NELL1: variants seen among roughly 807,000 people sequenced by gnomAD.
NELL1 encodes protein kinase C-binding protein NELL1.
NELL1 carries 76 observed loss-of-function variants against 107.4 expected under a neutral mutation model. That is an observed-to-expected ratio of 0.71 (90% CI 0.59 to 0.86). The LOEUF (loss-of-function observed/expected upper bound fraction) is 0.86. Among genes scored for constraint, NELL1 ranks in the 40% least tolerant of loss-of-function variants. The pLI is 0.00. For synonymous variants in NELL1, 353 were observed against 341.2 expected (o/e 1.03, Z -0.38); for missense variants, 1,024 against 1,005.5 (o/e 1.02, Z -0.25).
chr11:21,183,872 A>G (rs1164937246), intron 13 of NELL1, among the ~76,000 whole-genome samples: 1 of 151,878 alleles, frequency 6.6e-6, no homozygotes, highest in Non-Finnish European at 1.5e-5. Context: ...AGGGAGGGTA[A>G]AGGGAAATAG....
chr11:21,024,890 C>T (rs1315067630), intron 12 of NELL1, among the ~76,000 whole-genome samples: 4 of 152,068 alleles, frequency 2.6e-5, no homozygotes, highest in African/African-American at 4.8e-5. Context: ...GTCCTCTGTC[C>T]GTTTCAACTC....
At chr11:20,938,708 A>G (rs1353910814) in intron 10 of NELL1, among the ~76,000 whole-genome samples, 1 of 152,192 alleles carries the variant, frequency 6.6e-6, no homozygotes, top group Non-Finnish European at 1.5e-5. Flanking sequence ...AATTGCACTT[A>G]TAAATGCCTA....
chr11:20,833,088 A>G (rs1858047831), intron 3 of NELL1, among the ~76,000 whole-genome samples: 1 of 152,140 alleles, frequency 6.6e-6, no homozygotes, highest in South Asian at 2.1e-4. Flanking sequence ...TCTTTCTTCC[A>G]AGAGGGCCTG....
At chr11:21,233,158 C>T (rs188747191) in intron 14 of NELL1, among the ~76,000 whole-genome samples, 47 of 152,226 alleles carry the variant, frequency 3.1e-4, no homozygotes, top group African/African-American at 8.9e-4. Context: ...CCATGTAAGG[C>T]GTCTTTTCTT....
intron 5 of NELL1, among the ~76,000 whole-genome samples, chr11:20,907,514 A>C (rs558995402): frequency 1.3e-5 from 2 of 152,260 alleles, no homozygotes; most frequent in East Asian, 3.9e-4. Flanking sequence ...TTAAACCTCC[A>C]ATAATATATC....
Position 20,769,838 on chromosome 11 carries a change from T to C in NELL1, c.185-13842T>C, listed in dbSNP as rs532379893. ...CTCTGAGATCTGACAAGTACTCTAA[T>C]TGGGGTTGCACAAGGATGAACTTAC... On this transcript the variant is annotated intron_variant, in intron 2 of 19. Transcript: ENST00000357134. Among the ~76,000 whole-genome samples, 4 of 152,254 alleles carry C rather than the reference T, an allele frequency of 2.6e-5. No individual in the cohort carries two copies. The South Asian group carries it at 8.3e-4, about 32-fold the overall frequency.
At chr11:20,698,428 C>G (rs1319639720) in intron 2 of NELL1, among the ~76,000 whole-genome samples, 1 of 152,162 alleles carries the variant, frequency 6.6e-6, no homozygotes, top group Admixed American at 6.6e-5. Flanking sequence ...TGGAGAGAGA[C>G]AGCAGAGAAT....
intron 14 of NELL1, among the ~76,000 whole-genome samples, chr11:21,286,548 G>A (rs1320309713): frequency 1.3e-5 from 2 of 152,174 alleles, no homozygotes; most frequent in Non-Finnish European, 2.9e-5. Context: ...TCTTTTTTAT[G>A]ATGACAAGGA....
rs530929212 is a variant in NELL1 at position 21,462,618 on chromosome 11, A to AT, written c.1646-71750dup. 1.9e-4 allele frequency among the ~76,000 whole-genome samples: 29 copies of AT among 151,900 alleles called. No homozygotes were observed. In the East Asian group the frequency reaches 4.5e-3, roughly 23 times the overall value. On this transcript the variant is annotated intron_variant, in intron 15 of 19. Coordinates refer to ENST00000357134, the MANE Select transcript of NELL1 (RefSeq NM_006157.5). ...AAGCCACTGTGAAATCCATCACCCC[A>AT]TTTTTTCTCCAGGGTTGATTTACTG...
rs143174124 is a variant in NELL1, at chr11:21,086,102, A to G, written c.1301-27487A>G. 6.8e-3 allele frequency among the ~76,000 whole-genome samples: 1,037 copies of G among 152,326 alleles called. 17 individuals carry two copies. The highest frequency in any genetic ancestry group is 0.023 in the African/African-American group (953 of 41,572). On this transcript the variant is annotated intron_variant, in intron 12 of 19. Coordinates refer to ENST00000357134, the MANE Select transcript of NELL1 (RefSeq NM_006157.5). ...AATTGAATGAACCAGGAAACTCTGTAAATTCCACGTATGACAGGTACCTTG... is the reference window on the plus strand; with the variant it reads ...AATTGAATGAACCAGGAAACTCTGTGAATTCCACGTATGACAGGTACCTTG...
chr11:21,325,241 T>C (rs1378601615), intron 14 of NELL1, among the ~76,000 whole-genome samples: 1 of 152,132 alleles, frequency 6.6e-6, no homozygotes, highest in Non-Finnish European at 1.5e-5. Flanking sequence ...TATATAATTC[T>C]GTTTTCTGAC....
chr11:20,694,139 C>G (rs894199561), intron 2 of NELL1, among the ~76,000 whole-genome samples: 5 of 152,126 alleles, frequency 3.3e-5, no homozygotes, highest in Admixed American at 1.3e-4. Context: ...GCTCCATCAG[C>G]TCCTTTAAGC....
chr11:20,694,326 A>G (rs1319975064), intron 2 of NELL1, among the ~76,000 whole-genome samples: 1 of 152,124 alleles, frequency 6.6e-6, no homozygotes, highest in Non-Finnish European at 1.5e-5. Flanking sequence ...GGTACTAGCC[A>G]TAAATTCTTT....
intron 12 of NELL1, among the ~76,000 whole-genome samples, chr11:21,073,822 A>G (rs1469376076): frequency 6.6e-6 from 1 of 152,208 alleles, no homozygotes; most frequent in Non-Finnish European, 1.5e-5. Context: ...CAACCAATTA[A>G]TTCGAGTGCT....
At chr11:20,774,964 A>T (rs931471710) in intron 2 of NELL1, among the ~76,000 whole-genome samples, 1 of 152,070 alleles carries the variant, frequency 6.6e-6, no homozygotes, top group Non-Finnish European at 1.5e-5. Context: ...AGAAAAAAAA[A>T]CCCTGTTGTC....
chr11:20,710,844 T>C (rs1855094436), intron 2 of NELL1, among the ~76,000 whole-genome samples: 1 of 152,124 alleles, frequency 6.6e-6, no homozygotes, highest in Non-Finnish European at 1.5e-5. Flanking sequence ...GAATGATCTT[T>C]TGAATTTCTA....
intron 5 of NELL1, among the ~76,000 whole-genome samples, chr11:20,914,407 C>A (rs557898779): frequency 5.9e-5 from 9 of 152,108 alleles, no homozygotes; most frequent in Non-Finnish European, 8.8e-5. Flanking sequence ...TTTTTCTGAT[C>A]GGCTATTGGT....
At chr11:21,454,516 T>C (rs1215686236) in intron 15 of NELL1, among the ~76,000 whole-genome samples, 7 of 152,202 alleles carry the variant, frequency 4.6e-5, no homozygotes, top group Non-Finnish European at 1.0e-4. Flanking sequence ...TCTTATAAAC[T>C]CTAACATATA....
chr11:21,275,830 G>A (rs1437420583), intron 14 of NELL1, among the ~76,000 whole-genome samples: 1 of 152,128 alleles, frequency 6.6e-6, no homozygotes, highest in African/African-American at 2.4e-5. Context: ...TGCAGAAAAG[G>A]CCTTTGACAA....
Sources: gnomAD v4.1 joint callset for allele counts (sites outside exome capture counted in the v4.1 genomes callset) on GRCh38, gnomAD v4.1.1 for gene constraint, MANE v1.5 for transcripts, NCBI Gene and HGNC (gene_info 2026-07-23, HGNC 2026-07-21) for gene names.